The following TRAF7 variants were observed in gnomAD, a reference collection of about 807,000 sequenced individuals.
TRAF7 encodes TNF receptor associated factor 7.
A neutral mutation model predicts 89.3 loss-of-function variants in TRAF7; 45 were observed. The observed-to-expected ratio is 0.50, with a 90% CI of 0.40 to 0.65. The LOEUF (loss-of-function observed/expected upper bound fraction) is 0.65. Among genes scored for constraint, TRAF7 ranks in the 30% least tolerant of loss-of-function variants. The probability of loss-of-function intolerance (pLI) is 0.00; values close to 1 mark genes in which losing one functional copy is unlikely to be tolerated. For missense variants in TRAF7, 677 were observed against 918.1 expected, an observed-to-expected ratio of 0.74 and a Z score of 3.39; for synonymous variants, 406 against 369.2, an observed-to-expected ratio of 1.10 and a Z score of -1.14.
chr16:2,164,160 G>GTGTGTGT (rs1567247302), intron 2 of TRAF7, among the ~76,000 whole-genome samples, 159 bp downstream of exon 2: 5 of 66,016 alleles, frequency 7.6e-5, no homozygotes, highest in African/African-American at 3.6e-4. Context: ...GTGTGTGTGT[G>GTGTGTGT]CGCGCGCGCG....
chr16:2,177,536 G>A lies in TRAF7; in HGVS notation c.*962G>A, dbSNP rs1323749623. ...GGCAGGAGGAGAGAGGAAAAGGGAG[G>A]GCGAGAATGACCACACAACACAGCC... is the stretch of plus-strand genomic sequence containing the variant. On this transcript the variant is annotated 3_prime_UTR_variant, in exon 21 of 21. Coordinates refer to ENST00000326181, the MANE Select transcript of TRAF7 (RefSeq NM_032271.3). 2.6e-5 allele frequency: 6 copies of A among 234,206 alleles called. No homozygotes were observed. The highest frequency in any genetic ancestry group is 6.0e-5 in the East Asian group (1 of 16,544). The allele number at this position is 234,206 out of a possible 1,614,324, so 14.5% of individuals were successfully genotyped here. A position where few individuals can be genotyped will look rare whatever the true frequency, so the allele number is the denominator to read the frequency against.
intron 1 of TRAF7, among the ~76,000 whole-genome samples, chr16:2,160,063 G>T (rs2093051160): frequency 6.6e-6 from 1 of 152,208 alleles, no homozygotes; most frequent in Non-Finnish European, 1.5e-5. Context: ...ATTTGCCGAA[G>T]AGGGGCTGGG....
intron 14 of TRAF7, 79 bp from the exon 15 acceptor site, chr16:2,175,032 T>C (rs2093129848): frequency 1.3e-6 from 2 of 1,573,996 alleles, no homozygotes; most frequent in East Asian, 2.2e-5. Context: ...ATGGCTGGCA[T>C]GGACCTCGGG....
intron 4 of TRAF7, among the ~76,000 whole-genome samples, chr16:2,169,319 C>T (rs972439733): frequency 4.6e-5 from 7 of 152,298 alleles, no homozygotes; most frequent in Non-Finnish European, 7.3e-5. Context: ...ACAAACACAC[C>T]TGTGTGCCGG....
intron 3 of TRAF7, among the ~76,000 whole-genome samples, chr16:2,166,866 G>A (rs907603189): frequency 6.6e-6 from 1 of 152,378 alleles, no homozygotes. Context: ...CCTTCTTCCC[G>A]AGGTGCAGGG....
At position 2,173,234 on chromosome 16, in the gene TRAF7, C is replaced by T. The variant is rs773787910; in HGVS notation, c.847C>T (p.Arg283Cys). The T allele has an allele frequency of 3.4e-5, 55 of 1,612,654 alleles. No individual in the cohort carries two copies. In the East Asian group the frequency reaches 9.1e-4, roughly 27 times the overall value. The part of the protein sequence containing the change: ...DTYETHLETC[R>C]FEGLKEFLQQ... ...TTACGAGACCCACCTGGAGACTTGCCGCTTCGAGGGCCTGAAGGAGTTTCT... is the reference window on the plus strand; with the variant it reads ...TTACGAGACCCACCTGGAGACTTGCTGCTTCGAGGGCCTGAAGGAGTTTCT... Residue 283 changes from arginine to cysteine, a missense_variant, in exon 10 of 21, where the codon CGC becomes TGC. Physicochemically the swap from Arg to Cys is radical, Grantham distance 180. Coordinates refer to ENST00000326181, the MANE Select transcript of TRAF7 (RefSeq NM_032271.3).
In TRAF7 at chr16:2,177,853, C is replaced by A; in HGVS notation, c.*1279C>A. 3.5e-6 allele frequency: 1 copy of A among 288,516 alleles called. No homozygotes were observed. The highest frequency in any genetic ancestry group is 6.6e-6 in the Non-Finnish European group (1 of 150,428). The allele number at this position is 288,516 out of a possible 1,614,324, so 17.9% of individuals were successfully genotyped here. On this transcript the variant is annotated 3_prime_UTR_variant, in exon 21 of 21. Coordinates refer to ENST00000326181, the MANE Select transcript of TRAF7 (RefSeq NM_032271.3). ...TAGGAGAGAAGCACGGAGGAGCCCC[C>A]GGCAGAGCACCCGCCCCCGGGCCCC...
At chr16:2,164,693 A>C in intron 2 of TRAF7, among the ~76,000 whole-genome samples, 1 of 137,638 alleles carries the variant, frequency 7.3e-6, no homozygotes, top group African/African-American at 2.8e-5. Context: ...TTGCATGGTT[A>C]AGCGTGTGAG....
intron 2 of TRAF7, 105 bp from the exon 3 acceptor site, chr16:2,165,774 G>A (rs1101761): frequency 7.6e-7 from 1 of 1,321,360 alleles, no homozygotes; most frequent in African/African-American, 1.4e-5. Flanking sequence ...TGTGAGTGCT[G>A]CGTGGCCTGG....
chr16:2,173,857 G>GCGGGGGCGGCCCCCCCC, intron 12 of TRAF7, 21 bp downstream of exon 12: 1 of 1,607,502 alleles, frequency 6.2e-7, no homozygotes, highest in Non-Finnish European at 8.5e-7. Context: ...ACCCGCCGTG[G>GCGGGGGCGGCCCCCCCC]CTCCCGCCCA....
chr16:2,156,931 T>C (rs1450664996), intron 1 of TRAF7, among the ~76,000 whole-genome samples: 2 of 152,040 alleles, frequency 1.3e-5, no homozygotes, highest in Non-Finnish European at 2.9e-5. Flanking sequence ...CAAGATACGG[T>C]TGTCTTGAGC....
At chr16:2,171,471 C>A in intron 6 of TRAF7, 101 bp from the exon 7 acceptor site, 1 of 1,573,356 alleles carries the variant, frequency 6.4e-7, no homozygotes, top group Non-Finnish European at 8.6e-7. Flanking sequence ...GTCCTGGCTG[C>A]ACTGGGCTTG....
At chr16:2,164,169 C>CGCGCGT (rs1555465730) in intron 2 of TRAF7, among the ~76,000 whole-genome samples, 168 bp downstream of exon 2, 32 of 109,700 alleles carry the variant, frequency 2.9e-4, no homozygotes, top group Non-Finnish European at 3.3e-4. Flanking sequence ...TGCGCGCGCG[C>CGCGCGT]GCGCGCGCGC....
At chr16:2,172,108 C>T (rs2141286877) in intron 7 of TRAF7, 83 bp from the exon 8 acceptor site, 6 of 1,539,872 alleles carry the variant, frequency 3.9e-6, no homozygotes, top group East Asian at 2.3e-5. Context: ...ACAGATCTGG[C>T]CCCCATTAGA....
At chr16:2,172,630 G>T (rs1345542182) in intron 9 of TRAF7, 31 bp downstream of exon 9, 8 of 1,336,190 alleles carry the variant, frequency 6.0e-6, no homozygotes, top group Non-Finnish European at 7.3e-6. Context: ...GGTGGGCCGG[G>T]GTGGGCGCAG....
chr16:2,167,409 C>T (rs2093091079), intron 3 of TRAF7, among the ~76,000 whole-genome samples: 1 of 152,232 alleles, frequency 6.6e-6, no homozygotes, highest in Non-Finnish European at 1.5e-5. Flanking sequence ...CTCTGCCTCC[C>T]ACGTGGACTG....
At position 2,177,712 on chromosome 16, in the gene TRAF7, G is replaced by A. The variant is rs993395625; in HGVS notation, c.*1138G>A. On this transcript the variant is annotated 3_prime_UTR_variant, in exon 21 of 21. Transcript: ENST00000326181. ...TGCCCTGCTTCCACGTGGCTGCCAC[G>A]CTGACACACCCACATTCACCAAACC... is the stretch of plus-strand genomic sequence containing the variant. The A allele has an allele frequency of 1.7e-5, 4 of 237,536 alleles. No individual in the cohort carries two copies. The highest frequency in any genetic ancestry group is 3.3e-5 in the Non-Finnish European group (4 of 120,254). 14.7% of individuals were successfully genotyped at this position (237,536 alleles called of 1,614,324 possible).
At chr16:2,175,440 CGT>C (rs749059828) in intron 16 of TRAF7, 23 bp downstream of exon 16, 32 of 1,612,654 alleles carry the variant, frequency 2.0e-5, no homozygotes, top group Non-Finnish European at 2.5e-5. Context: ...GCTGTGCCTA[CGT>C]GTGTGTCACT....
In TRAF7 at chr16:2,173,446, G is replaced by A. The variant is rs767711382; in HGVS notation, c.1013-35G>A. ...GGCAGGGGCCTGGCCACTGCTCCGG[G>A]CACCAGTGACACCCCCTCTCCTCCT... On this transcript the variant is annotated intron_variant, in intron 10 of 20. Transcript: ENST00000326181. The A allele has an allele frequency of 5.6e-6, 9 of 1,612,710 alleles. No homozygotes were observed. The East Asian group carries it at 1.3e-4, about 24-fold the overall frequency.
Sources: gnomAD v4.1 joint callset for allele counts (sites outside exome capture counted in the v4.1 genomes callset) on GRCh38, gnomAD v4.1.1 for gene constraint, MANE v1.5 for transcripts, NCBI Gene and HGNC (gene_info 2026-07-23, HGNC 2026-07-21) for gene names.